Variants in DPP6 observed in about 807,000 individuals in gnomAD.
DPP6 encodes dipeptidyl peptidase like 6.
In DPP6, 69 loss-of-function variants were observed where a neutral mutation model predicts 122.6. The ratio of observed to expected loss-of-function variants is 0.56; its 90% CI spans 0.46 to 0.69. DPP6 has a LOEUF of 0.69. DPP6 is among the 30% of genes least tolerant of loss of function. The probability of loss-of-function intolerance (pLI) is 0.00; values close to 1 mark genes in which losing one functional copy is unlikely to be tolerated. For synonymous variants in DPP6, 418 were observed against 433.1 expected (o/e 0.97, Z 0.43); for missense variants, 928 against 1,116.9 (o/e 0.83, Z 2.41).
At chr7:153,811,065 C>A in the DPP6 span, among the ~76,000 whole-genome samples, 5 of 151,934 alleles carry the variant, frequency 3.3e-5, no homozygotes, top group African/African-American at 1.2e-4. Flanking sequence ...CTGCTGCTGA[C>A]CCTCTGGTGA....
intron 2 of DPP6, among the ~76,000 whole-genome samples, chr7:154,446,861 T>C (rs1819919556): frequency 6.6e-6 from 1 of 151,956 alleles, no homozygotes. Flanking sequence ...CAAAGAGAAG[T>C]GCTATTGGAG....
Position 154,772,931 on chromosome 7 carries a change from T to G in DPP6, c.1125T>G (p.Asp375Glu), listed in dbSNP as rs1796332571. 6.2e-7 allele frequency: 1 copy of G among 1,601,654 alleles called. No individual in the cohort carries two copies. Among genetic ancestry groups the G allele is most frequent in the Non-Finnish European group, 8.5e-7 (1 of 1,174,812 alleles). The change falls in exon 10 of 26, where the codon GAT (aspartate) becomes GAG (glutamate). Residue 375 changes from aspartate (D) to glutamate (E), a missense_variant. Physicochemically the swap from Asp to Glu is conservative, Grantham distance 45 (BLOSUM62 2). Coordinates refer to ENST00000377770, the MANE Select transcript of DPP6 (RefSeq NM_130797.4). ...ATCTGGAGATGATGCCGCCTGATGA[T>G]CCACGGATGAGGTTTGCTTCCTTCT... ...THDLEMMPPD[D>E]PRMREYYITM...
chr7:153,775,577 C>T, the DPP6 span, among the ~76,000 whole-genome samples: 14 of 151,628 alleles, frequency 9.2e-5, no homozygotes, highest in Admixed American at 4.6e-4. Context: ...TTACTTATTA[C>T]CACAGGTTGG....
chr7:154,162,261 A>C (rs1316100887), intron 1 of DPP6, among the ~76,000 whole-genome samples: 1 of 152,016 alleles, frequency 6.6e-6, no homozygotes, highest in Non-Finnish European at 1.5e-5. Flanking sequence ...TCTAGAACTG[A>C]GATTCACCAT....
chr7:154,249,672 T>C (rs1423248503), intron 1 of DPP6, among the ~76,000 whole-genome samples: 3 of 152,186 alleles, frequency 2.0e-5, no homozygotes, highest in East Asian at 1.9e-4. Flanking sequence ...CAGCCTTTTG[T>C]AGGTCATGGC....
chr7:154,335,316 A>G (rs867477220), intron 1 of DPP6, among the ~76,000 whole-genome samples: 10 of 152,306 alleles, frequency 6.6e-5, no homozygotes, highest in African/African-American at 1.7e-4. Flanking sequence ...AAAACAAAAC[A>G]AAACAAAACA....
intron 1 of DPP6, among the ~76,000 whole-genome samples, chr7:154,227,231 C>CACACACACACACACACACACACACACACA (rs10525068): frequency 6.6e-6 from 1 of 150,704 alleles, no homozygotes; most frequent in Admixed American, 6.6e-5. Context: ...CACACACACA[C>CACACACACACACACACACACACACACACA]CCCTAGGAAT....
At chr7:154,804,877 T>G (rs1359230739) in intron 14 of DPP6, 40 bp from the exon 15 acceptor site, 4 of 1,583,546 alleles carry the variant, frequency 2.5e-6, no homozygotes, top group Non-Finnish European at 3.4e-6. Context: ...AGACGTGCCT[T>G]GGAGCAAACT....
chr7:154,789,363 G>A (rs1388741772), intron 10 of DPP6, among the ~76,000 whole-genome samples: 1 of 152,206 alleles, frequency 6.6e-6, no homozygotes, highest in African/African-American at 2.4e-5. Context: ...TGTGGCTGGT[G>A]TGAGCCCAGC....
intron 1 of DPP6, among the ~76,000 whole-genome samples, chr7:153,892,007 GTTC>G (rs2128993993): frequency 6.6e-6 from 1 of 152,338 alleles, no homozygotes; most frequent in East Asian, 1.9e-4. Context: ...GAAAGCTGGA[GTTC>G]TTCCTTGTGC....
chr7:153,892,528 G>T (rs753348528), intron 1 of DPP6, among the ~76,000 whole-genome samples: 17 of 152,074 alleles, frequency 1.1e-4, no homozygotes, highest in Non-Finnish European at 2.1e-4. Context: ...TGGTCAGGCT[G>T]GTCTCAAACT....
intron 10 of DPP6, among the ~76,000 whole-genome samples, chr7:154,778,846 C>CCACCACCA: frequency 6.7e-6 from 1 of 150,110 alleles, no homozygotes; most frequent in Non-Finnish European, 1.5e-5. Flanking sequence ...ACAACCTCCA[C>CCACCACCA]CACCACCACC....
In DPP6 at chr7:154,618,432, C is replaced by G. The variant is rs989023037; in HGVS notation, c.628-19389C>G. Among the ~76,000 whole-genome samples the G allele has an allele frequency of 6.6e-6, 1 of 152,198 alleles. No individual in the cohort carries two copies. Among genetic ancestry groups the G allele is most frequent in the African/African-American group, 2.4e-5 (1 of 41,442 alleles). ...CTGTGCACACACACTGTTGCTTGCCCAGACATGCTTCCCCTTTGTCTTGTT... is the reference window on the plus strand; with the variant it reads ...CTGTGCACACACACTGTTGCTTGCCGAGACATGCTTCCCCTTTGTCTTGTT... On this transcript the variant is annotated intron_variant, in intron 5 of 25. Coordinates refer to ENST00000377770, the MANE Select transcript of DPP6 (RefSeq NM_130797.4). This position sits in a 1 kb window ranked among gnomAD's most constrained non-coding sequence, Gnocchi z 4.1.
At chr7:154,587,489 C>T in intron 5 of DPP6, 4 of 750,698 alleles carry the variant, frequency 5.3e-6, no homozygotes, top group Non-Finnish European at 8.5e-6. Context: ...GACACAGCTT[C>T]ATGCAAAATA....
intron 8 of DPP6, among the ~76,000 whole-genome samples, chr7:154,753,104 C>T (rs1271847369): frequency 6.6e-6 from 1 of 152,136 alleles, no homozygotes; most frequent in Non-Finnish European, 1.5e-5. Flanking sequence ...ATTCCCTTCT[C>T]TTCCGAGACC....
At chr7:154,157,054 A>C (rs568755469) in intron 1 of DPP6, among the ~76,000 whole-genome samples, 2 of 152,360 alleles carry the variant, frequency 1.3e-5, no homozygotes, top group Admixed American at 1.3e-4. Flanking sequence ...GGGATAATTA[A>C]ATCCTGATGT....
At chr7:154,392,910 C>T (rs1016217385) in intron 1 of DPP6, among the ~76,000 whole-genome samples, 16 of 152,116 alleles carry the variant, frequency 1.1e-4, no homozygotes, top group African/African-American at 3.4e-4. Flanking sequence ...GCTGCCTACT[C>T]GGGAGACATC....
At chr7:154,589,765 A>C (rs6947471) in intron 5 of DPP6, among the ~76,000 whole-genome samples, 1 of 152,084 alleles carries the variant, frequency 6.6e-6, no homozygotes, top group Non-Finnish European at 1.5e-5. Flanking sequence ...CAGCTCTCCT[A>C]TCCACATCTT....
intron 1 of DPP6, among the ~76,000 whole-genome samples, chr7:154,047,152 C>T (rs902169848): frequency 2.1e-4 from 32 of 151,522 alleles, no homozygotes; most frequent in Admixed American, 9.8e-4. Context: ...CCCTGTGGCT[C>T]ACAGTCAGTT....
Sources: allele counts gnomAD v4.1 joint callset (sites outside exome capture counted in the v4.1 genomes callset), GRCh38; gene constraint gnomAD v4.1.1; non-coding constraint Gnocchi (gnomAD v3.1); transcripts MANE v1.5; gene names NCBI Gene and HGNC (gene_info 2026-07-23, HGNC 2026-07-21).